RBFOX1: variants seen among roughly 807,000 people sequenced by gnomAD.
RBFOX1 encodes the protein RNA binding protein fox-1 homolog 1.
A neutral mutation model predicts 57.7 loss-of-function variants in RBFOX1; 8 were observed. The observed-to-expected ratio is 0.14, with a 90% CI of 0.08 to 0.25. RBFOX1 has a LOEUF of 0.25. RBFOX1 is among the 10% of genes least tolerant of loss of function. RBFOX1 has a pLI of 1.00. For missense variants in RBFOX1, 611 were observed against 548.5 expected (o/e 1.11, Z -1.14); for synonymous variants, 326 against 222.4 (o/e 1.47, Z -4.15).
At chr16:5,606,359 T>C (rs1170173979) in intron 3 of RBFOX1, among the ~76,000 whole-genome samples, 1 of 152,010 alleles carries the variant, frequency 6.6e-6, no homozygotes, top group Non-Finnish European at 1.5e-5. Context: ...TAACCATTCA[T>C]CCATAGTCAT....
chr16:7,445,514 C>T (rs1039259017), intron 4 of RBFOX1, among the ~76,000 whole-genome samples: 5 of 152,120 alleles, frequency 3.3e-5, no homozygotes, highest in Admixed American at 1.3e-4. Flanking sequence ...GATACAGCAT[C>T]AAATAGGAGT....
At chr16:6,050,242 G>A (rs907728432) in intron 1 of RBFOX1, among the ~76,000 whole-genome samples, 5 of 152,148 alleles carry the variant, frequency 3.3e-5, no homozygotes, top group Non-Finnish European at 5.9e-5. Flanking sequence ...TTACAGCTGT[G>A]AGCCACCGTA....
chr16:7,517,468 G>A (rs901634938), intron 4 of RBFOX1, among the ~76,000 whole-genome samples: 2 of 151,932 alleles, frequency 1.3e-5, no homozygotes, highest in African/African-American at 4.8e-5. Context: ...AGAGAGGACA[G>A]TCTTTGTCCA....
intron 4 of RBFOX1, among the ~76,000 whole-genome samples, chr16:7,072,718 A>G (rs2153781026): frequency 6.6e-6 from 1 of 152,362 alleles, no homozygotes; most frequent in South Asian, 2.1e-4. Context: ...ACTGGACAAA[A>G]TATATGAAGC....
chr16:7,016,999 G>A (rs1201494113), intron 3 of RBFOX1, among the ~76,000 whole-genome samples: 2 of 152,068 alleles, frequency 1.3e-5, no homozygotes, highest in African/African-American at 4.8e-5. Flanking sequence ...TCCTGGTTGA[G>A]CGACCCTCTT....
chr16:6,243,265 C>T (rs2097549799), intron 1 of RBFOX1, among the ~76,000 whole-genome samples: 1 of 152,122 alleles, frequency 6.6e-6, no homozygotes, highest in Non-Finnish European at 1.5e-5. Flanking sequence ...TCTACATCTT[C>T]ACATCTTTGA....
At chr16:6,904,599 T>TAAAAAAA (rs71147623) in intron 3 of RBFOX1, among the ~76,000 whole-genome samples, 41 of 64,014 alleles carry the variant, frequency 6.4e-4, no homozygotes, top group East Asian at 9.6e-4. Context: ...AGACTCTCTC[T>TAAAAAAA]AAAAAAAAAA....
At chr16:7,028,785 G>C (rs1335375031) in intron 3 of RBFOX1, among the ~76,000 whole-genome samples, 1 of 151,394 alleles carries the variant, frequency 6.6e-6, no homozygotes, top group African/African-American at 2.4e-5. Flanking sequence ...TGGAAACCAT[G>C]GAACATCCAA....
intron 2 of RBFOX1, among the ~76,000 whole-genome samples, chr16:5,574,279 C>A (rs1203007085): frequency 6.6e-6 from 1 of 152,214 alleles, no homozygotes; most frequent in African/African-American, 2.4e-5. Context: ...GCAGCACTTG[C>A]CTGGAAAATG....
intron 4 of RBFOX1, among the ~76,000 whole-genome samples, chr16:7,190,455 C>G (rs1050296004): frequency 2.0e-5 from 3 of 152,164 alleles, no homozygotes; most frequent in Admixed American, 6.5e-5. Context: ...AACTCTTCCA[C>G]AAATTCCCAA....
At chr16:6,576,236 G>C (rs1468544708) in intron 2 of RBFOX1, among the ~76,000 whole-genome samples, 1 of 152,098 alleles carries the variant, frequency 6.6e-6, no homozygotes, top group African/African-American at 2.4e-5. Flanking sequence ...GCATCTCAGG[G>C]CACAAGGCAG....
chr16:5,791,636 A>G (rs558761752), intron 3 of RBFOX1, among the ~76,000 whole-genome samples: 26 of 152,320 alleles, frequency 1.7e-4, no homozygotes, highest in South Asian at 4.1e-4. Context: ...AGGTCACACT[A>G]TAGCAAGTAT....
chr16:6,815,697 C>G (rs772267327), intron 3 of RBFOX1, among the ~76,000 whole-genome samples: 2 of 152,170 alleles, frequency 1.3e-5, no homozygotes, highest in Non-Finnish European at 2.9e-5. Flanking sequence ...TGTTCAGCGA[C>G]AGAACACACA....
chr16:5,273,212 C>T (rs531683700), intron 1 of RBFOX1, among the ~76,000 whole-genome samples: 6 of 151,222 alleles, frequency 4.0e-5, no homozygotes, highest in Admixed American at 2.6e-4. Context: ...CTCAAAGCCA[C>T]GATTGCTTTC....
At chr16:7,144,192 C>G (rs1018304735) in intron 4 of RBFOX1, among the ~76,000 whole-genome samples, 8 of 152,066 alleles carry the variant, frequency 5.3e-5, no homozygotes, top group African/African-American at 1.9e-4. Flanking sequence ...GACGGATAGA[C>G]TCCATTTCTC....
intron 10 of RBFOX1, among the ~76,000 whole-genome samples, chr16:7,616,719 A>T (rs2141818807): frequency 6.6e-6 from 1 of 152,190 alleles, no homozygotes; most frequent in East Asian, 1.9e-4. Flanking sequence ...TTTAGTAGAG[A>T]TGGGCTTTCA....
At position 6,651,403 on chromosome 16, in the gene RBFOX1, C is replaced by A. The variant is rs571443466; in HGVS notation, c.-63-3200C>A. ...ACTTCTCTCCCCTTCCCCTGCTACA[C>A]CCTTATCCATCCACCATCATGTCAC... On this transcript the variant is annotated intron_variant, in intron 2 of 15. Coordinates refer to ENST00000550418, the MANE Select transcript of RBFOX1 (RefSeq NM_018723.4). 2.0e-5 allele frequency among the ~76,000 whole-genome samples: 3 copies of A among 152,318 alleles called. No homozygotes were observed. The East Asian group carries it at 5.8e-4, about 29-fold the overall frequency.
At chr16:6,777,871 G>C (rs762273708) in intron 3 of RBFOX1, among the ~76,000 whole-genome samples, 3 of 152,140 alleles carry the variant, frequency 2.0e-5, no homozygotes, top group Non-Finnish European at 4.4e-5. Flanking sequence ...AGGTGTCAGA[G>C]CTGCCCAAAG....
At chr16:5,387,942 T>C (rs1248552078) in intron 1 of RBFOX1, among the ~76,000 whole-genome samples, 1 of 152,154 alleles carries the variant, frequency 6.6e-6, no homozygotes, top group East Asian at 1.9e-4. Flanking sequence ...AACTCCGTGG[T>C]CTACTTTTGG....
Sources: allele counts gnomAD v4.1 joint callset (sites outside exome capture counted in the v4.1 genomes callset), GRCh38; gene constraint gnomAD v4.1.1; transcripts MANE v1.5; gene names NCBI Gene and HGNC (gene_info 2026-07-23, HGNC 2026-07-21).